IRAG2: variants seen among roughly 807,000 people sequenced by gnomAD.
IRAG2 encodes the protein inositol 1,4,5-triphosphate receptor associated 2.
A neutral mutation model predicts 69.9 loss-of-function variants in IRAG2; 45 were observed. That is an observed-to-expected ratio of 0.64 (90% confidence interval 0.51 to 0.83). The LOEUF (loss-of-function observed/expected upper bound fraction) is 0.83. Ranked by LOEUF, IRAG2 falls within the 40% of genes least tolerant of loss-of-function variation. The pLI is 0.00. For missense variants in IRAG2, 520 were observed against 587.0 expected (o/e 0.89, Z 1.18); for synonymous variants, 193 against 202.4 (o/e 0.95, Z 0.40).
At chr12:25,014,903 A>G (rs1184378710) in intron 3 of IRAG2, among the ~76,000 whole-genome samples, 1 of 151,640 alleles carries the variant, frequency 6.6e-6, no homozygotes, top group African/African-American at 2.4e-5. Flanking sequence ...GTAAAAGTGT[A>G]TGGATGGTGG....
chr12:25,049,402 T>A (rs954227855), upstream of IRAG2, among the ~76,000 whole-genome samples: 1 of 152,228 alleles, frequency 6.6e-6, no homozygotes, highest in African/African-American at 2.4e-5. Context: ...CATTTGTTTG[T>A]GTCCTCTCTG....
At chr12:25,017,438 C>G (rs11836239) in intron 6 of IRAG2, 105 of 788,746 alleles carry the variant, frequency 1.3e-4, no homozygotes, top group Non-Finnish European at 1.8e-4. Flanking sequence ...TATTCTCTGG[C>G]TGGGCATGGT....
chr12:25,048,374 G>A (rs1015561578), upstream of IRAG2, among the ~76,000 whole-genome samples: 2 of 152,056 alleles, frequency 1.3e-5, no homozygotes, highest in African/African-American at 4.8e-5. Flanking sequence ...TCGGCTCACT[G>A]CAACCTCCAC....
intron 1 of IRAG2, among the ~76,000 whole-genome samples, chr12:25,054,469 T>G (rs1267411889): frequency 6.6e-6 from 1 of 152,220 alleles, no homozygotes; most frequent in Non-Finnish European, 1.5e-5. Context: ...TCTTGCAGTA[T>G]TTTCTTAGAA....
chr12:25,047,510 T>C (rs922411019), upstream of IRAG2, among the ~76,000 whole-genome samples: 5 of 152,238 alleles, frequency 3.3e-5, no homozygotes, highest in African/African-American at 4.8e-5. Flanking sequence ...TGCAGGTTTA[T>C]TGCATAGGTA....
chr12:25,050,012 A>C (rs1944829466), upstream of IRAG2, among the ~76,000 whole-genome samples: 2 of 142,148 alleles, frequency 1.4e-5, no homozygotes, highest in African/African-American at 5.1e-5. Context: ...AAAAAAAGCT[A>C]CTCGGGAGGC....
At chr12:25,029,774 G>A (rs1173365893) in intron 9 of IRAG2, among the ~76,000 whole-genome samples, 1 of 151,916 alleles carries the variant, frequency 6.6e-6, no homozygotes, top group Non-Finnish European at 1.5e-5. Flanking sequence ...TCGAACTCTG[G>A]GGCTCAAACC....
chr12:25,007,096 T>C (rs1247291418), intron 2 of IRAG2, among the ~76,000 whole-genome samples: 2 of 152,228 alleles, frequency 1.3e-5, no homozygotes, highest in Non-Finnish European at 2.9e-5. Context: ...TTCAAACATA[T>C]ACAGAGGTAG....
chr12:25,098,705 T>TA (rs952626030), intron 15 of IRAG2, among the ~76,000 whole-genome samples: 1 of 152,220 alleles, frequency 6.6e-6, no homozygotes. Flanking sequence ...AATAACTTTT[T>TA]ATCCTTTCTT....
chr12:25,042,302 G>C (rs1423666478), intron 16 of IRAG2, among the ~76,000 whole-genome samples: 1 of 152,036 alleles, frequency 6.6e-6, no homozygotes, highest in Non-Finnish European at 1.5e-5. Flanking sequence ...ATGCAGACTG[G>C]AATAGAAATC....
chr12:25,055,855 AG>A (rs1945220821), intron 1 of IRAG2, among the ~76,000 whole-genome samples: 1 of 152,218 alleles, frequency 6.6e-6, no homozygotes, highest in Non-Finnish European at 1.5e-5. Flanking sequence ...TCTTATGTAC[AG>A]AAATCATGGA....
At chr12:25,093,065 T>C (rs911733179) in intron 14 of IRAG2, 1 of 152,964 alleles carries the variant, frequency 6.5e-6, no homozygotes, top group African/African-American at 2.4e-5. Flanking sequence ...TCTTTACTAG[T>C]ACAATAAAAT....
intron 7 of IRAG2, among the ~76,000 whole-genome samples, chr12:25,021,208 G>A (rs978200931): frequency 1.3e-5 from 2 of 150,816 alleles, no homozygotes; most frequent in South Asian, 2.1e-4. Context: ...AGGCTCAAGC[G>A]ATCCTCTCAC....
In IRAG2 at chr12:25,103,874, C is replaced by T; in HGVS notation, c.971C>T (p.Pro324Leu). ...SLRRVTIASLPRNIGNAGMVA... is the reference protein window; with the variant it reads ...SLRRVTIASLLRNIGNAGMVA... ...CGAAGAGTGACTATTGCCTCTTTAC[C>T]CAGAAATATTGGAAATGCAGGAATG... is the stretch of plus-strand genomic sequence containing the variant. The change falls in exon 18 of 22, where the codon CCC (proline) becomes CTC (leucine). Residue 324 changes from proline to leucine, a missense_variant. Transcript: ENST00000556887. 6.2e-7 allele frequency: 1 copy of T among 1,613,290 alleles called. No homozygotes were observed. Among genetic ancestry groups the T allele is most frequent in the East Asian group, 2.2e-5 (1 of 44,766 alleles).
upstream of IRAG2, among the ~76,000 whole-genome samples, chr12:25,003,174 A>G (rs574608856): frequency 2.0e-5 from 3 of 152,000 alleles, no homozygotes; most frequent in African/African-American, 7.3e-5. Flanking sequence ...AAATTTCTGT[A>G]TTATTGTTCA....
chr12:25,026,150 G>T (rs1200258630), intron 8 of IRAG2, among the ~76,000 whole-genome samples: 1 of 152,060 alleles, frequency 6.6e-6, no homozygotes, highest in African/African-American at 2.4e-5. Context: ...TGGAGTGAGG[G>T]GGCTGGGCAT....
rs1177598023 is a variant in IRAG2 at position 25,011,342 on chromosome 12, A to T, written c.689-2A>T. On this transcript the variant is annotated splice_acceptor_variant, in intron 2 of 38. Coordinates refer to the IRAG2 transcript ENST00000636465. LOFTEE classifies it high-confidence loss of function. ...GAAAAATATAACTTTTCTGTCTTTC[A>T]GAACTGATCTGCTCTTCTTTTTCCA... 8.1e-7 allele frequency: 1 copy of T among 1,231,354 alleles called. No homozygotes were observed. The highest frequency in any genetic ancestry group is 4.2e-5 in the Admixed American group (1 of 23,708). The allele number at this position is 1,231,354 out of a possible 1,614,324, so 76.3% of individuals were successfully genotyped here. A position where few individuals can be genotyped will look rare whatever the true frequency, so the allele number is the denominator to read the frequency against.
At chr12:25,080,570 T>C (rs1381207074) in intron 9 of IRAG2, among the ~76,000 whole-genome samples, 1 of 152,050 alleles carries the variant, frequency 6.6e-6, no homozygotes, top group East Asian at 1.9e-4. Context: ...GCCAGGATGG[T>C]CTCGATCTCC....
intron 2 of IRAG2, among the ~76,000 whole-genome samples, chr12:25,008,725 C>G (rs753543748): frequency 6.6e-6 from 1 of 152,036 alleles, no homozygotes; most frequent in Admixed American, 6.6e-5. Flanking sequence ...GGAGACAAAG[C>G]GAAACTCCAT....
Sources: allele counts gnomAD v4.1 joint callset (sites outside exome capture counted in the v4.1 genomes callset), GRCh38; gene constraint gnomAD v4.1.1; transcripts MANE v1.5; gene names NCBI Gene and HGNC (gene_info 2026-07-23, HGNC 2026-07-21).